The following COMMD1 variants were observed in gnomAD, a reference collection of about 807,000 sequenced individuals.
COMMD1 encodes COMM domain-containing protein 1.
In COMMD1, 10 loss-of-function variants were observed where a neutral mutation model predicts 17.2. The observed-to-expected ratio is 0.58, with a 90% CI of 0.36 to 0.99. The LOEUF is 0.99. Among genes scored for constraint, COMMD1 ranks in the 50% least tolerant of loss-of-function variants. COMMD1 has a pLI of 0.01. For synonymous variants in COMMD1, 97 were observed against 91.6 expected (o/e 1.06, Z -0.34); for missense variants, 270 against 231.8 (o/e 1.17, Z -1.07).
At chr2:62,112,719 A>G (rs72803345) in intron 2 of COMMD1, among the ~76,000 whole-genome samples, 3 of 152,364 alleles carry the variant, frequency 2.0e-5, no homozygotes, top group Non-Finnish European at 4.4e-5. Flanking sequence ...GACTCAAAAA[A>G]TTAATTTTTT....
At chr2:61,936,873 G>T (rs1388509051) in intron 1 of COMMD1, among the ~76,000 whole-genome samples, 2 of 152,190 alleles carry the variant, frequency 1.3e-5, no homozygotes, top group Non-Finnish European at 2.9e-5. Context: ...AATCTCAGGA[G>T]GTCCTGATGA....
intron 2 of COMMD1, among the ~76,000 whole-genome samples, chr2:62,114,544 C>G (rs1015389806): frequency 6.6e-6 from 1 of 152,186 alleles, no homozygotes; most frequent in Non-Finnish European, 1.5e-5. Flanking sequence ...CTCTCCTCTT[C>G]TTTCTTAGGA....
chr2:61,998,488 G>A (rs1184121843), intron 1 of COMMD1, among the ~76,000 whole-genome samples: 1 of 152,120 alleles, frequency 6.6e-6, no homozygotes, highest in Admixed American at 6.6e-5. Context: ...TCGAACTCCG[G>A]ACCTCAAGTG....
Position 62,136,016 on chromosome 2 carries a change from A to G in COMMD1, c.*75A>G, listed in dbSNP as rs771011785. On this transcript the variant is annotated 3_prime_UTR_variant, in exon 3 of 3. Coordinates refer to ENST00000311832, the MANE Select transcript of COMMD1 (RefSeq NM_152516.4). ...CCCTCCCCACTGACCTTTTCTAAGAAAATTCTTGTGCCCGCATTGGTATTA... is the reference window on the plus strand; with the variant it reads ...CCCTCCCCACTGACCTTTTCTAAGAGAATTCTTGTGCCCGCATTGGTATTA... 12 of 796,664 alleles carry G rather than the reference A, an allele frequency of 1.5e-5. No homozygotes were observed. The African/African-American group carries it at 1.5e-4, about 10-fold the overall frequency. The allele number at this position is 796,664 out of a possible 1,614,324, so 49.3% of individuals were successfully genotyped here. A position where few individuals can be genotyped will look rare whatever the true frequency, so the allele number is the denominator to read the frequency against.
At chr2:62,114,238 C>T (rs1179399532) in intron 2 of COMMD1, among the ~76,000 whole-genome samples, 1 of 152,164 alleles carries the variant, frequency 6.6e-6, no homozygotes, top group African/African-American at 2.4e-5. Context: ...GATGCAGCTG[C>T]TGTATTTCTT....
intron 1 of COMMD1, among the ~76,000 whole-genome samples, chr2:61,929,726 G>C (rs1361521510): frequency 6.6e-6 from 1 of 152,166 alleles, no homozygotes; most frequent in Non-Finnish European, 1.5e-5. Context: ...GAGCCCAGGA[G>C]TTCAAGACCA....
At chr2:61,990,488 G>A (rs925506331) in intron 1 of COMMD1, among the ~76,000 whole-genome samples, 2 of 152,156 alleles carry the variant, frequency 1.3e-5, no homozygotes, top group Non-Finnish European at 2.9e-5. Flanking sequence ...AGGAGTTCAA[G>A]ACCAGCCTGG....
chr2:62,060,850 A>ATTT lies in COMMD1; in HGVS notation c.462+59873_462+59875dup, dbSNP rs539620768. On this transcript the variant is annotated intron_variant, in intron 2 of 2. Coordinates refer to ENST00000311832, the MANE Select transcript of COMMD1 (RefSeq NM_152516.4). Reference sequence around the variant, plus strand: ...TGAGAATCCAATTATGCAGATGTTAATTTTTTTAATACTGCATCCCATATG... The same window carrying ATTT: ...TGAGAATCCAATTATGCAGATGTTAATTTTTTTTTTAATACTGCATCCCATATG... 3.9e-4 allele frequency among the ~76,000 whole-genome samples: 59 copies of ATTT among 152,022 alleles called. 1 individual carries two copies. The South Asian group carries it at 0.012, about 31-fold the overall frequency.
intron 1 of COMMD1, among the ~76,000 whole-genome samples, chr2:61,947,597 T>A (rs986848959): frequency 6.6e-6 from 1 of 151,958 alleles, no homozygotes; most frequent in Admixed American, 6.6e-5. Flanking sequence ...GCAGGAGAAT[T>A]GCTTAAACCC....
intron 2 of COMMD1, among the ~76,000 whole-genome samples, chr2:62,133,987 G>A (rs1573224039): frequency 6.6e-6 from 1 of 151,964 alleles, no homozygotes; most frequent in Non-Finnish European, 1.5e-5. Context: ...TATTTTTAGA[G>A]ATAGAGTTTC....
chr2:62,104,655 C>T (rs201773522), intron 2 of COMMD1, among the ~76,000 whole-genome samples: 1 of 109,518 alleles, frequency 9.1e-6, no homozygotes, highest in Non-Finnish European at 1.8e-5. Flanking sequence ...AAAAAAAAAA[C>T]AATAACAACA....
At chr2:62,104,107 C>T (rs1228321495) in intron 2 of COMMD1, among the ~76,000 whole-genome samples, 1 of 152,184 alleles carries the variant, frequency 6.6e-6, no homozygotes, top group Non-Finnish European at 1.5e-5. Context: ...TCCCAAAGTG[C>T]TAAGATTACA....
intron 2 of COMMD1, among the ~76,000 whole-genome samples, chr2:62,103,283 G>A (rs995804140): frequency 4.6e-5 from 7 of 152,082 alleles, no homozygotes; most frequent in African/African-American, 7.2e-5. Context: ...GCCTCCAATC[G>A]TATTTCTATA....
At chr2:62,112,598 T>A (rs1672485920) in intron 2 of COMMD1, among the ~76,000 whole-genome samples, 1 of 152,242 alleles carries the variant, frequency 6.6e-6, no homozygotes, top group Admixed American at 6.5e-5. Context: ...TGAGAGTCTG[T>A]TTCATACCTG....
chr2:61,934,805 A>T (rs936035901), intron 1 of COMMD1, among the ~76,000 whole-genome samples: 7 of 152,138 alleles, frequency 4.6e-5, no homozygotes, highest in African/African-American at 1.7e-4. Context: ...TTAAATTGAG[A>T]CAGGGTCTTG....
In COMMD1 at chr2:62,127,492, A is replaced by G. The variant is rs187947059; in HGVS notation, c.463-8339A>G. 6.6e-5 allele frequency among the ~76,000 whole-genome samples: 10 copies of G among 152,308 alleles called. No individual in the cohort carries two copies. In the East Asian group the frequency reaches 1.2e-3, roughly 18 times the overall value. On this transcript the variant is annotated intron_variant, in intron 2 of 2. Coordinates refer to ENST00000311832, the MANE Select transcript of COMMD1 (RefSeq NM_152516.4). ...CTTCAAACTATACTACAAGGCCACA[A>G]TAACCAAAACAGCATGGTACTGACA...
At chr2:61,964,050 G>T (rs1301460108) in intron 1 of COMMD1, among the ~76,000 whole-genome samples, 4 of 152,160 alleles carry the variant, frequency 2.6e-5, no homozygotes, top group Admixed American at 2.0e-4. Context: ...ACAGATTTTT[G>T]ATCTGTTTCC....
chr2:62,106,266 G>C (rs545591427), intron 2 of COMMD1, among the ~76,000 whole-genome samples: 7 of 152,294 alleles, frequency 4.6e-5, no homozygotes, highest in Admixed American at 4.6e-4. Context: ...TAATCAATTT[G>C]TTTATATCAG....
Position 61,945,474 on chromosome 2 carries a change from C to G in COMMD1, c.180+39616C>G, listed in dbSNP as rs11674892. On this transcript the variant is annotated intron_variant, in intron 1 of 2. Transcript: ENST00000311832. ...GAGTAAAGATAGATCAAGCTGGTACCAAGCACCAGTAGGCGATTTGTCAAA... is the reference window on the plus strand; with the variant it reads ...GAGTAAAGATAGATCAAGCTGGTACGAAGCACCAGTAGGCGATTTGTCAAA... 9.9e-3 allele frequency among the ~76,000 whole-genome samples: 1,510 copies of G among 152,274 alleles called. 9 individuals carry two copies. Among genetic ancestry groups the G allele is most frequent in the South Asian group, 0.02 (96 of 4,824 alleles).
Sources: allele counts gnomAD v4.1 joint callset (sites outside exome capture counted in the v4.1 genomes callset), GRCh38; gene constraint gnomAD v4.1.1; transcripts MANE v1.5; gene names NCBI Gene and HGNC (gene_info 2026-07-23, HGNC 2026-07-21).